Variants in DOK6 observed in about 807,000 individuals in gnomAD.
DOK6 encodes the protein docking protein 6, also known as downstream of tyrosine kinase 6.
In DOK6, 22 loss-of-function variants were observed where a neutral mutation model predicts 44.0. That is an observed-to-expected ratio of 0.50 (90% CI 0.36 to 0.71). DOK6 has a LOEUF of 0.71. Ranked by LOEUF, DOK6 falls within the 30% of genes least tolerant of loss-of-function variation. The probability of loss-of-function intolerance (pLI) is 0.00; values close to 1 mark genes in which losing one functional copy is unlikely to be tolerated. For synonymous variants in DOK6, 166 were observed against 145.5 expected (o/e 1.14, Z -1.01); for missense variants, 340 against 416.4 (o/e 0.82, Z 1.60).
At chr18:69,583,809 T>G (rs1983425271) in intron 2 of DOK6, among the ~76,000 whole-genome samples, 1 of 150,086 alleles carries the variant, frequency 6.7e-6, no homozygotes, top group African/African-American at 2.5e-5. Context: ...GACCTTAAAG[T>G]TTTGGCTTTA....
At chr18:69,652,702 GCTC>G (rs1358124546) in intron 3 of DOK6, among the ~76,000 whole-genome samples, 7 of 152,122 alleles carry the variant, frequency 4.6e-5, no homozygotes, top group African/African-American at 1.7e-4. Flanking sequence ...AGGGACACCT[GCTC>G]CTCAGCTGAG....
rs79821147 is a variant in DOK6, at chr18:69,704,110, C to T, written c.599+5517C>T. ...TAATTTCCGTTGTTTAAGTCACCCA[C>T]TCTGTGTCATGTTTTTCTTATGGCA... is the stretch of plus-strand genomic sequence containing the variant. On this transcript the variant is annotated intron_variant, in intron 5 of 7. Transcript: ENST00000382713. Among the ~76,000 whole-genome samples the T allele has an allele frequency of 2.1e-4, 32 of 152,298 alleles. 1 individual carries two copies. The East Asian group carries it at 6.2e-3, about 29-fold the overall frequency.
chr18:69,622,567 A>G (rs1451085465), intron 3 of DOK6, among the ~76,000 whole-genome samples: 1 of 152,206 alleles, frequency 6.6e-6, no homozygotes. Context: ...TTCTAAGAAC[A>G]TAGCTGTGGT....
At chr18:69,489,176 G>A (rs1043166503) in intron 1 of DOK6, among the ~76,000 whole-genome samples, 2 of 152,166 alleles carry the variant, frequency 1.3e-5, no homozygotes, top group African/African-American at 4.8e-5. Context: ...ATAGGTTGAT[G>A]CCCCACCCAC....
At chr18:69,664,365 A>T (rs1028970073) in intron 3 of DOK6, among the ~76,000 whole-genome samples, 1 of 152,338 alleles carries the variant, frequency 6.6e-6, no homozygotes, top group African/African-American at 2.4e-5. Context: ...AGCCATCTTT[A>T]TGAGCTGTAC....
intron 2 of DOK6, among the ~76,000 whole-genome samples, chr18:69,598,088 T>C: frequency 6.6e-6 from 1 of 152,092 alleles, no homozygotes; most frequent in South Asian, 2.1e-4. Flanking sequence ...GTGTTCTTAT[T>C]GGGGATCTTA....
At chr18:69,833,790 A>G (rs1252824735) in intron 7 of DOK6, among the ~76,000 whole-genome samples, 3 of 152,218 alleles carry the variant, frequency 2.0e-5, no homozygotes, top group Admixed American at 6.5e-5. Context: ...AGTGGCAAAC[A>G]GATATGTAGA....
At chr18:69,422,283 C>G (rs1978515246) in intron 1 of DOK6, among the ~76,000 whole-genome samples, 1 of 152,188 alleles carries the variant, frequency 6.6e-6, no homozygotes. Flanking sequence ...GTCCTGAGCC[C>G]TACAATTTTA....
chr18:69,455,786 G>A (rs1407826923), intron 1 of DOK6, among the ~76,000 whole-genome samples: 1 of 152,142 alleles, frequency 6.6e-6, no homozygotes, highest in Non-Finnish European at 1.5e-5. Context: ...ACCTACAGCT[G>A]TATTGGCAAA....
At chr18:69,472,345 G>A (rs1980138005) in intron 1 of DOK6, among the ~76,000 whole-genome samples, 1 of 152,270 alleles carries the variant, frequency 6.6e-6, no homozygotes, top group South Asian at 2.1e-4. Context: ...ACTCTCCCGA[G>A]TGTCTTTATA....
chr18:69,505,695 A>G (rs1981166981), intron 1 of DOK6, among the ~76,000 whole-genome samples: 1 of 151,386 alleles, frequency 6.6e-6, no homozygotes, highest in African/African-American at 2.4e-5. Flanking sequence ...ATAGGGTTTC[A>G]CCATGTTCAC....
intron 7 of DOK6, among the ~76,000 whole-genome samples, chr18:69,808,365 C>T (rs1270723979): frequency 1.3e-5 from 2 of 151,556 alleles, no homozygotes; most frequent in East Asian, 3.8e-4. Context: ...TAATGTCACA[C>T]CTCAAAAAAC....
Position 69,566,589 on chromosome 18 carries a change from G to A in DOK6, c.174+1995G>A, listed in dbSNP as rs184056717. Among the ~76,000 whole-genome samples the A allele has an allele frequency of 9.8e-5, 15 of 152,320 alleles. No homozygotes were observed. In the East Asian group the frequency reaches 1.2e-3, roughly 12 times the overall value. On this transcript the variant is annotated intron_variant, in intron 2 of 7. Coordinates refer to ENST00000382713, the MANE Select transcript of DOK6 (RefSeq NM_152721.6). ...ATTGGTAATTTGGACACAGATGGGC[G>A]TGGAGTGTCTGCTCTACGCTAGGCA...
Position 69,828,884 on chromosome 18 carries a change from G to GTATATATATATA in DOK6, c.857-12355_857-12344dup, listed in dbSNP as rs74175393. Among the ~76,000 whole-genome samples, 117 of 90,210 alleles carry GTATATATATATA rather than the reference G, an allele frequency of 1.3e-3. 22 individuals are homozygous for GTATATATATATA. The highest frequency in any genetic ancestry group is 2.8e-3 in the East Asian group (7 of 2,462). 59.2% of individuals were successfully genotyped at this position (90,210 alleles called of 152,430 possible). On this transcript the variant is annotated intron_variant, in intron 7 of 7. Transcript: ENST00000382713. ...ATTATTAATAGCAATACATTTATGT[G>GTATATATATATA]TATATATATATATATAGTATGTATG...
intron 1 of DOK6, chr18:69,469,909 CG>C: frequency 4.4e-6 from 1 of 227,210 alleles, no homozygotes; most frequent in South Asian, 4.5e-5. Flanking sequence ...CTGGGTCGCT[CG>C]GGTGCTCTTC....
intron 1 of DOK6, among the ~76,000 whole-genome samples, chr18:69,450,590 C>A (rs1215910784): frequency 6.7e-6 from 1 of 149,890 alleles, no homozygotes; most frequent in East Asian, 2.0e-4. Flanking sequence ...AGAAGAGCAA[C>A]TCCAAGACAC....
At chr18:69,816,824 T>C (rs1017764907) in intron 7 of DOK6, among the ~76,000 whole-genome samples, 2 of 152,096 alleles carry the variant, frequency 1.3e-5, no homozygotes, top group African/African-American at 4.8e-5. Flanking sequence ...AAATAGGACA[T>C]AGGAGGAGAA....
intron 1 of DOK6, among the ~76,000 whole-genome samples, chr18:69,427,780 C>CT (rs113549020): frequency 9.9e-4 from 143 of 143,972 alleles, no homozygotes; most frequent in Middle Eastern, 3.5e-3. Context: ...AATACCCTAC[C>CT]TTTTTTTTTT....
chr18:69,438,351 T>A (rs1458258902), intron 1 of DOK6, among the ~76,000 whole-genome samples: 2 of 152,230 alleles, frequency 1.3e-5, no homozygotes, highest in African/African-American at 4.8e-5. Context: ...TGCTTATGCA[T>A]AAAAAGAAAC....
Sources: allele counts gnomAD v4.1 joint callset (sites outside exome capture counted in the v4.1 genomes callset), GRCh38; gene constraint gnomAD v4.1.1; transcripts MANE v1.5; gene names NCBI Gene and HGNC (gene_info 2026-07-23, HGNC 2026-07-21).